TENM2: variants seen among roughly 807,000 people sequenced by gnomAD.
The protein encoded by TENM2 is teneurin-2.
A neutral mutation model predicts 245.2 loss-of-function variants in TENM2; 52 were observed. The ratio of observed to expected loss-of-function variants is 0.21; its 90% CI spans 0.17 to 0.27. The LOEUF (loss-of-function observed/expected upper bound fraction) is 0.27. Ranked by LOEUF, TENM2 falls within the 10% of genes least tolerant of loss-of-function variation. The pLI is 1.00. For synonymous variants in TENM2, 1,363 were observed against 1,438.9 expected (o/e 0.95, Z 1.19); for missense variants, 3,046 against 3,666.8 (o/e 0.83, Z 4.37).
chr5:167,680,742 A>G (rs577103444), intron 2 of TENM2, among the ~76,000 whole-genome samples: 2 of 152,292 alleles, frequency 1.3e-5, no homozygotes, highest in South Asian at 4.1e-4. Flanking sequence ...CTTTGAGATA[A>G]AAACATCTAT....
At chr5:167,236,913 A>G in the TENM2 span, among the ~76,000 whole-genome samples, 2 of 151,648 alleles carry the variant, frequency 1.3e-5, no homozygotes, top group African/African-American at 4.9e-5. Context: ...GAAAACAAGA[A>G]AGTCTTGTTT....
the TENM2 span, among the ~76,000 whole-genome samples, chr5:167,144,877 A>G: frequency 6.6e-6 from 1 of 152,238 alleles, no homozygotes; most frequent in Non-Finnish European, 1.5e-5. Context: ...GGAGGTTACA[A>G]GTACAAGATG....
chr5:167,580,746 T>A (rs1054361545), intron 2 of TENM2, among the ~76,000 whole-genome samples: 5 of 152,230 alleles, frequency 3.3e-5, no homozygotes, highest in African/African-American at 1.2e-4. Context: ...TCCCAGCACT[T>A]CGGGAGGCCG....
At chr5:167,636,813 G>A (rs73803914) in intron 2 of TENM2, among the ~76,000 whole-genome samples, 1 of 152,038 alleles carries the variant, frequency 6.6e-6, no homozygotes, top group Non-Finnish European at 1.5e-5. Context: ...TAAAATAATT[G>A]TATTGTACAT....
chr5:167,718,352 C>T (rs1759404956), intron 2 of TENM2, among the ~76,000 whole-genome samples: 2 of 152,202 alleles, frequency 1.3e-5, no homozygotes, highest in Admixed American at 1.3e-4. Context: ...TTTGGGGCCA[C>T]TCACAGAAGA....
chr5:167,537,427 A>C (rs1485785928), intron 2 of TENM2, among the ~76,000 whole-genome samples: 1 of 152,222 alleles, frequency 6.6e-6, no homozygotes, highest in Non-Finnish European at 1.5e-5. Flanking sequence ...TTCTTTGTGA[A>C]TATGTGCTTA....
intron 2 of TENM2, among the ~76,000 whole-genome samples, chr5:167,799,295 G>A (rs1678617860): frequency 6.6e-6 from 1 of 152,204 alleles, no homozygotes; most frequent in Admixed American, 6.6e-5. Flanking sequence ...CAAATCGCAT[G>A]GTGAAGAAGT....
At chr5:167,693,163 C>T (rs1757539528) in intron 2 of TENM2, among the ~76,000 whole-genome samples, 2 of 152,100 alleles carry the variant, frequency 1.3e-5, no homozygotes, top group Admixed American at 6.5e-5. Context: ...ATACGATGCT[C>T]AATAAATGCA....
At chr5:168,021,028 C>T (rs1438294774) in intron 5 of TENM2, among the ~76,000 whole-genome samples, 2 of 152,208 alleles carry the variant, frequency 1.3e-5, no homozygotes, top group Non-Finnish European at 2.9e-5. Context: ...TTCCTTTCCT[C>T]TATTTAAAAA....
At chr5:168,011,139 A>T (rs1785188255) in intron 5 of TENM2, among the ~76,000 whole-genome samples, 1 of 152,206 alleles carries the variant, frequency 6.6e-6, no homozygotes, top group Non-Finnish European at 1.5e-5. Context: ...TTGCTCATTA[A>T]TGAGGTGGTC....
At chr5:168,228,655 T>TAAG (rs1481277408) in intron 25 of TENM2, among the ~76,000 whole-genome samples, 1 of 152,178 alleles carries the variant, frequency 6.6e-6, no homozygotes, top group African/African-American at 2.4e-5. Context: ...GATCACAGGT[T>TAAG]AAGTGAAAAG....
rs1196497144 is a variant in TENM2 at position 167,317,183 on chromosome 5, T to C, written c.226+32120T>C. On this transcript the variant is annotated intron_variant, in intron 1 of 28. Coordinates refer to ENST00000518659, the Ensembl canonical transcript of TENM2. ...AAATCTGCTTCCTCTCAGCAGTCAA[T>C]AATGCAACTAGAAAGGATCCCTTCA... is the stretch of plus-strand genomic sequence containing the variant. Among the ~76,000 whole-genome samples the C allele has an allele frequency of 1.3e-5, 2 of 152,178 alleles. 1 individual carries two copies. The highest frequency in any genetic ancestry group is 2.9e-5 in the Non-Finnish European group (2 of 68,022).
chr5:168,017,444 T>C lies in TENM2; in HGVS notation c.1186+24262T>C, dbSNP rs1016352175. On this transcript the variant is annotated intron_variant, in intron 5 of 28. Coordinates refer to ENST00000518659, the Ensembl canonical transcript of TENM2. ...GCATGGAGCTCTTCGTGACAGACCA[T>C]TGAGAAGTGACCTGAGTTCCACAAA... is the stretch of plus-strand genomic sequence containing the variant. Among the ~76,000 whole-genome samples the C allele has an allele frequency of 2.0e-5, 3 of 152,206 alleles. No individual in the cohort carries two copies. In the East Asian group the frequency reaches 5.8e-4, roughly 29 times the overall value.
chr5:167,271,734 T>C, the TENM2 span, among the ~76,000 whole-genome samples: 3 of 152,096 alleles, frequency 2.0e-5, no homozygotes, highest in African/African-American at 7.2e-5. Flanking sequence ...CCTTAACAGA[T>C]TCTAAAAGGC....
intron 15 of TENM2, among the ~76,000 whole-genome samples, chr5:168,198,652 G>C (rs34187866): frequency 0.23 from 35,499 of 152,110 alleles, 5,032 homozygotes; most frequent in East Asian, 0.6. Flanking sequence ...AACTTGGGCT[G>C]AGAGAGGGTT....
At chr5:168,173,949 G>A (rs1759093971) in intron 13 of TENM2, among the ~76,000 whole-genome samples, 1 of 152,226 alleles carries the variant, frequency 6.6e-6, no homozygotes, top group Non-Finnish European at 1.5e-5. Context: ...GAACAGCAAT[G>A]CCTGTGTGGG....
At chr5:168,043,760 A>G (rs970584416) in intron 5 of TENM2, among the ~76,000 whole-genome samples, 1 of 152,186 alleles carries the variant, frequency 6.6e-6, no homozygotes, top group Non-Finnish European at 1.5e-5. Context: ...CGTCATCTTC[A>G]CTGAAGACCC....
intron 2 of TENM2, among the ~76,000 whole-genome samples, chr5:167,790,534 G>A (rs1340537360): frequency 6.6e-6 from 1 of 152,146 alleles, no homozygotes; most frequent in Non-Finnish European, 1.5e-5. Flanking sequence ...GATAGTCCAT[G>A]CCGAAAAGCA....
the TENM2 span, among the ~76,000 whole-genome samples, chr5:167,126,776 T>C: frequency 6.6e-6 from 1 of 152,136 alleles, no homozygotes; most frequent in Non-Finnish European, 1.5e-5. Context: ...AAGATTACCA[T>C]TTTAAATTGC....
Sources: gnomAD v4.1 joint callset for allele counts (sites outside exome capture counted in the v4.1 genomes callset) on GRCh38, gnomAD v4.1.1 for gene constraint, MANE v1.5 for transcripts, NCBI Gene and HGNC (gene_info 2026-07-23, HGNC 2026-07-21) for gene names.